Variants in SPOCK3 observed in about 807,000 individuals in gnomAD.
SPOCK3 encodes the protein testican-3.
In SPOCK3, 30 loss-of-function variants were observed where a neutral mutation model predicts 56.6. That is an observed-to-expected ratio of 0.53 (90% CI 0.40 to 0.72). The LOEUF (loss-of-function observed/expected upper bound fraction) is 0.72. SPOCK3 is among the 30% of genes least tolerant of loss of function. The pLI is 0.00. For synonymous variants in SPOCK3, 196 were observed against 183.3 expected, an observed-to-expected ratio of 1.07 and a Z score of -0.56; for missense variants, 527 against 530.0, an observed-to-expected ratio of 0.99 and a Z score of 0.06.
At chr4:166,879,965 A>T (rs947864314) in intron 6 of SPOCK3, among the ~76,000 whole-genome samples, 1 of 152,152 alleles carries the variant, frequency 6.6e-6, no homozygotes. Flanking sequence ...TTCTACCATG[A>T]TTGTAAATTT....
chr4:166,902,700 C>CAT (rs2127061966), intron 5 of SPOCK3, among the ~76,000 whole-genome samples: 1 of 151,566 alleles, frequency 6.6e-6, no homozygotes, highest in South Asian at 2.1e-4. Context: ...TGTACACTCA[C>CAT]ATATATATAA....
intron 2 of SPOCK3, among the ~76,000 whole-genome samples, chr4:167,147,756 C>G (rs1764088760): frequency 6.6e-6 from 1 of 152,052 alleles, no homozygotes; most frequent in Non-Finnish European, 1.5e-5. Flanking sequence ...GAGACTGGAA[C>G]AGTGAGAACA....
chr4:166,805,330 T>C (rs893287936), intron 6 of SPOCK3, among the ~76,000 whole-genome samples: 3 of 152,070 alleles, frequency 2.0e-5, no homozygotes, highest in South Asian at 2.1e-4. Context: ...AAATTGTAAA[T>C]ATCCAGAAAA....
At chr4:166,870,059 G>T (rs1732293586) in intron 6 of SPOCK3, among the ~76,000 whole-genome samples, 2 of 152,036 alleles carry the variant, frequency 1.3e-5, no homozygotes, top group South Asian at 4.1e-4. Flanking sequence ...CTGGAAGAAG[G>T]AAAGGAAGTG....
At chr4:167,086,468 T>C (rs1758204618) in intron 2 of SPOCK3, among the ~76,000 whole-genome samples, 1 of 152,042 alleles carries the variant, frequency 6.6e-6, no homozygotes, top group African/African-American at 2.4e-5. Context: ...CTAAAAAGGA[T>C]CTGGCTTTGG....
intron 2 of SPOCK3, among the ~76,000 whole-genome samples, chr4:167,092,609 C>T (rs191054036): frequency 5.9e-5 from 9 of 152,120 alleles, no homozygotes; most frequent in Non-Finnish European, 1.0e-4. Context: ...CCAGAATATC[C>T]GAAATATGAA....
chr4:167,141,206 T>C (rs1763501473), intron 2 of SPOCK3, among the ~76,000 whole-genome samples: 1 of 151,938 alleles, frequency 6.6e-6, no homozygotes, highest in Admixed American at 6.6e-5. Flanking sequence ...CATACCAAAA[T>C]GCCAATATGG....
intron 4 of SPOCK3, among the ~76,000 whole-genome samples, chr4:166,975,882 G>C (rs1460021496): frequency 6.6e-6 from 1 of 152,088 alleles, no homozygotes; most frequent in Non-Finnish European, 1.5e-5. Context: ...ACTCTATTGT[G>C]TATATGTACC....
At chr4:167,197,446 TA>T (rs1733062962) in intron 2 of SPOCK3, among the ~76,000 whole-genome samples, 1 of 152,164 alleles carries the variant, frequency 6.6e-6, no homozygotes, top group African/African-American at 2.4e-5. Context: ...CTATTACTTA[TA>T]AGGTAGATGA....
chr4:167,071,069 G>C (rs559356402), intron 2 of SPOCK3, among the ~76,000 whole-genome samples: 4 of 151,772 alleles, frequency 2.6e-5, no homozygotes, highest in Non-Finnish European at 5.9e-5. Context: ...AGTGCCATTG[G>C]GACAATTCCT....
chr4:167,110,096 A>G (rs1760773741), intron 2 of SPOCK3, among the ~76,000 whole-genome samples: 1 of 152,022 alleles, frequency 6.6e-6, no homozygotes, highest in Non-Finnish European at 1.5e-5. Context: ...CTGAAATCAC[A>G]AAGTTGCATG....
intron 5 of SPOCK3, among the ~76,000 whole-genome samples, chr4:166,906,864 A>G (rs1736678750): frequency 6.6e-6 from 1 of 152,066 alleles, no homozygotes; most frequent in East Asian, 1.9e-4. Flanking sequence ...TTTACATTAA[A>G]AAATTGAAAT....
intron 4 of SPOCK3, among the ~76,000 whole-genome samples, chr4:166,959,367 C>A (rs1045777885): frequency 2.0e-5 from 3 of 152,090 alleles, no homozygotes; most frequent in African/African-American, 7.2e-5. Flanking sequence ...GTAATCCCAG[C>A]ACTTTGGGAG....
chr4:166,949,090 A>C (rs921144540), intron 4 of SPOCK3, among the ~76,000 whole-genome samples: 2 of 151,738 alleles, frequency 1.3e-5, no homozygotes, highest in African/African-American at 4.8e-5. Context: ...CATTTCATTC[A>C]TTTCATCTTC....
chr4:167,066,073 CA>C (rs1452817518), intron 2 of SPOCK3, among the ~76,000 whole-genome samples: 1 of 151,908 alleles, frequency 6.6e-6, no homozygotes, highest in African/African-American at 2.4e-5. Flanking sequence ...AAGTTTTCCA[CA>C]AAATAAAGTC....
At chr4:167,106,265 A>T (rs1410086168) in intron 2 of SPOCK3, among the ~76,000 whole-genome samples, 2 of 151,878 alleles carry the variant, frequency 1.3e-5, no homozygotes, top group Admixed American at 1.3e-4. Context: ...TTCCAAAAAA[A>T]TGAAATAATA....
rs1411081059 is a variant in SPOCK3 at position 166,734,154 on chromosome 4, T to G, written c.*767A>C. ...CTAATTTAAATTCTGCTCCCTAAGT[T>G]GCTGGTCAGAAAGATAAAGAAATCT... On this transcript the variant is annotated 3_prime_UTR_variant, in exon 11 of 11. Coordinates refer to ENST00000357545, the MANE Select transcript of SPOCK3 (RefSeq NM_001040159.2). 1.3e-5 allele frequency: 2 copies of G among 151,896 alleles called. No homozygotes were observed. Among genetic ancestry groups the G allele is most frequent in the African/African-American group, 4.8e-5 (2 of 41,426 alleles). The allele number at this position is 151,896 out of a possible 1,614,324, so 9.4% of individuals were successfully genotyped here.
At chr4:167,156,036 T>C (rs903936259) in intron 2 of SPOCK3, among the ~76,000 whole-genome samples, 4 of 152,110 alleles carry the variant, frequency 2.6e-5, no homozygotes, top group South Asian at 2.1e-4. Flanking sequence ...AGCAGCCACA[T>C]AGAAAAGTTA....
intron 4 of SPOCK3, among the ~76,000 whole-genome samples, chr4:166,955,296 C>T (rs1743271328): frequency 6.6e-6 from 1 of 151,118 alleles, no homozygotes; most frequent in African/African-American, 2.4e-5. Flanking sequence ...TTCTCACTCA[C>T]TCCCTTGAGC....
Sources: gnomAD v4.1 joint callset for allele counts (sites outside exome capture counted in the v4.1 genomes callset) on GRCh38, gnomAD v4.1.1 for gene constraint, MANE v1.5 for transcripts, NCBI Gene and HGNC (gene_info 2026-07-23, HGNC 2026-07-21) for gene names.